The following ATRX variants were observed in gnomAD, a reference collection of about 807,000 sequenced individuals.
ATRX encodes chromatin remodeler ATRX.
ATRX carries 12 observed loss-of-function variants against 172.6 expected under a neutral mutation model. That is an observed-to-expected ratio of 0.07 (90% CI 0.04 to 0.11). The LOEUF (loss-of-function observed/expected upper bound fraction) is 0.11. ATRX is among the 10% of genes least tolerant of loss of function. The pLI, the probability that ATRX is intolerant of heterozygous loss-of-function variation, is 1.00. For missense variants in ATRX, 1,368 were observed against 1,767.4 expected (o/e 0.77, Z 4.05); for synonymous variants, 674 against 594.7 (o/e 1.13, Z -1.94).
At chrX:77,544,201 A>G (rs944367013) in intron 30 of ATRX, among the ~76,000 whole-genome samples, 1 of 111,543 alleles carries the variant, frequency 9.0e-6, no homozygotes, top group Non-Finnish European at 1.9e-5. Context: ...TGGTAAATCT[A>G]GCGGATGGGT....
chrX:77,510,891 A>T (rs1349956572), intron 34 of ATRX, among the ~76,000 whole-genome samples: 4 of 112,807 alleles, frequency 3.5e-5, no homozygotes, highest in Non-Finnish European at 7.5e-5. Flanking sequence ...GGAAGGACAC[A>T]AGAGGAGCTG....
At chrX:77,630,585 A>T (rs1416858735) in intron 19 of ATRX, among the ~76,000 whole-genome samples, 6 of 112,262 alleles carry the variant, frequency 5.3e-5, no homozygotes, top group African/African-American at 1.9e-4. Flanking sequence ...ATAAACACAT[A>T]CATCTATGGT....
rs1400713206 is a variant in ATRX at position 77,752,885 on chromosome X, AT to A, written c.20+33096del. 3.6e-5 allele frequency among the ~76,000 whole-genome samples: 4 copies of A among 111,308 alleles called. No homozygotes were observed. The Admixed American group carries it at 3.8e-4, about 11-fold the overall frequency. Reference sequence around the variant, plus strand: ...TCTGTTTGCCAGTATTTTATTGAGGATTTTCACATCGATGGTCATCAGGGAT... The same window carrying A: ...TCTGTTTGCCAGTATTTTATTGAGGATTTCACATCGATGGTCATCAGGGAT... On this transcript the variant is annotated intron_variant, in intron 1 of 34. Transcript: ENST00000373344.
intron 13 of ATRX, among the ~76,000 whole-genome samples, chrX:77,656,110 G>C (rs1862360058): frequency 9.0e-6 from 1 of 111,589 alleles, no homozygotes; most frequent in East Asian, 2.8e-4. Context: ...TGCCAGGTAG[G>C]TACTATTATA....
intron 19 of ATRX, 129 bp downstream of exon 19, chrX:77,633,078 G>A: frequency 2.9e-6 from 2 of 693,124 alleles, no homozygotes; most frequent in Non-Finnish European, 4.4e-6. Context: ...TTTTCTAAAA[G>A]GCAAAAACCT....
intron 2 of ATRX, 109 bp from the exon 3 acceptor site, chrX:77,698,738 G>T: frequency 1.6e-6 from 1 of 619,308 alleles, no homozygotes; most frequent in Non-Finnish European, 2.6e-6. Flanking sequence ...AAGTCTGGCA[G>T]TATTGTTAAC....
At position 77,688,945 on chromosome X, in the gene ATRX, C is replaced by T. The variant is rs782461396; in HGVS notation, c.485-18G>A. 1.2e-4 allele frequency: 127 copies of T among 1,103,872 alleles called. No homozygotes were observed. Among genetic ancestry groups the T allele is most frequent in the Non-Finnish European group, 1.4e-4 (114 of 799,931 alleles). The allele number at this position is 1,103,872 out of a possible 1,213,427, so 91.0% of individuals were successfully genotyped here. On this transcript the variant is annotated intron_variant, in intron 6 of 34. Coordinates refer to ENST00000373344, the MANE Select transcript of ATRX (RefSeq NM_000489.6). Reference sequence around the variant, plus strand: ...CCCATCTTCTAGGAGAAAGGAGTGGCTATTATTCACACATTTATACACAGA... The same window carrying T: ...CCCATCTTCTAGGAGAAAGGAGTGGTTATTATTCACACATTTATACACAGA...
chrX:77,538,377 A>C (rs2063835161), intron 30 of ATRX, among the ~76,000 whole-genome samples: 1 of 110,960 alleles, frequency 9.0e-6, no homozygotes, highest in African/African-American at 3.3e-5. Flanking sequence ...ATACAAAGTC[A>C]AATACTACAT....
chrX:77,684,224 G>A lies in ATRX; in HGVS notation c.1032C>T (p.Ser344=), dbSNP rs143491422. ...SCSGSVTYSY[S]ALIVPKEMIK... is the part of the protein sequence containing the mutation. ...TCATCTCTTTGGGCACAATTAGTGC[G>A]GAATAAGAGTAGGTTACAGAGCCAG... Residue 344 remains serine, a synonymous_variant, in exon 9 of 35, where the codon TCC becomes TCT. Transcript: ENST00000373344. 66 of 1,209,287 alleles carry A rather than the reference G, an allele frequency of 5.5e-5. No homozygotes were observed. The highest frequency in any genetic ancestry group is 1.0e-4 in the African/African-American group (6 of 57,264).
intron 25 of ATRX, among the ~76,000 whole-genome samples, chrX:77,598,397 C>A (rs1356495403): frequency 9.0e-6 from 1 of 111,083 alleles, no homozygotes; most frequent in Non-Finnish European, 1.9e-5. Context: ...GCAATATACC[C>A]ATGTTAATCA....
chrX:77,768,978 C>A (rs1462692147), intron 1 of ATRX, among the ~76,000 whole-genome samples: 6 of 111,296 alleles, frequency 5.4e-5, no homozygotes, highest in Non-Finnish European at 1.1e-4. Flanking sequence ...TCCCCACAAA[C>A]CACCATCACA....
chrX:77,634,232 TAA>T (rs144290953), intron 17 of ATRX, among the ~76,000 whole-genome samples: 49 of 54,069 alleles, frequency 9.1e-4, no homozygotes, highest in Non-Finnish European at 1.2e-3. Context: ...TTAAAAGTTG[TAA>T]AAAAAAAAAA....
chrX:77,623,936 A>G (rs2067703387), intron 19 of ATRX, among the ~76,000 whole-genome samples: 1 of 111,959 alleles, frequency 8.9e-6, no homozygotes, highest in African/African-American at 3.2e-5. Flanking sequence ...ACAAACCCAT[A>G]GCCAACATAA....
intron 1 of ATRX, among the ~76,000 whole-genome samples, chrX:77,736,690 A>G (rs1603293169): frequency 8.9e-6 from 1 of 112,796 alleles, no homozygotes. Flanking sequence ...TTGAGCTACC[A>G]TATGATCCAG....
chrX:77,744,021 G>T lies in ATRX; in HGVS notation c.21-26778C>A, dbSNP rs1490510132. On this transcript the variant is annotated intron_variant, in intron 1 of 34. Coordinates refer to ENST00000373344, the MANE Select transcript of ATRX (RefSeq NM_000489.6). ...ACCATTAATGCTATTTATAGCCAAA[G>T]AAATCATACAGAGGCTGGGCACGGT... 4.4e-5 allele frequency among the ~76,000 whole-genome samples: 5 copies of T among 112,606 alleles called. No homozygotes were observed. In the Admixed American group the frequency reaches 4.7e-4, roughly 11 times the overall value.
At chrX:77,680,540 T>C (rs1247784191) in intron 9 of ATRX, among the ~76,000 whole-genome samples, 1 of 111,491 alleles carries the variant, frequency 9.0e-6, no homozygotes, top group Non-Finnish European at 1.9e-5. Flanking sequence ...TCTACAAAAT[T>C]AAAAATTAAA....
At chrX:77,631,396 T>G (rs1445874734) in intron 19 of ATRX, among the ~76,000 whole-genome samples, 1 of 110,832 alleles carries the variant, frequency 9.0e-6, no homozygotes, top group Non-Finnish European at 1.9e-5. Context: ...ATCCTCCCAT[T>G]CAGGTGGGCT....
chrX:77,721,747 C>T (rs1313078550), intron 1 of ATRX, among the ~76,000 whole-genome samples: 1 of 111,429 alleles, frequency 9.0e-6, no homozygotes. Context: ...CCATACTGCC[C>T]AAAGTAATGT....
chrX:77,752,014 T>C (rs1221171045), intron 1 of ATRX, among the ~76,000 whole-genome samples: 1 of 111,609 alleles, frequency 9.0e-6, no homozygotes, highest in East Asian at 2.8e-4. Context: ...TTCCTAGTTC[T>C]GTGAAGAAAG....
Sources: allele counts gnomAD v4.1 joint callset (sites outside exome capture counted in the v4.1 genomes callset), GRCh38; gene constraint gnomAD v4.1.1; transcripts MANE v1.5; gene names NCBI Gene and HGNC (gene_info 2026-07-23, HGNC 2026-07-21).